The following SCN4A variants were observed in gnomAD, a reference collection of about 807,000 sequenced individuals.
SCN4A encodes the protein sodium voltage-gated channel alpha subunit 4.
In SCN4A, 83 loss-of-function variants were observed where a neutral mutation model predicts 162.0. The observed-to-expected ratio is 0.51, with a 90% CI of 0.43 to 0.61. The LOEUF (loss-of-function observed/expected upper bound fraction) is 0.61. Among genes scored for constraint, SCN4A ranks in the 20% least tolerant of loss-of-function variants. The pLI is 0.00. For missense variants in SCN4A, 2,196 were observed against 2,462.5 expected (o/e 0.89, Z 2.29); for synonymous variants, 944 against 985.1 (o/e 0.96, Z 0.78).
intron 8 of SCN4A, 37 bp downstream of exon 8, chr17:63,966,065 G>C: frequency 1.3e-5 from 19 of 1,503,836 alleles, no homozygotes; most frequent in Non-Finnish European, 1.7e-5. Flanking sequence ...AGGGGGAGTG[G>C]CTGTAGGGTT....
At position 63,972,891 on chromosome 17, in the gene SCN4A, G is replaced by T; in HGVS notation, c.-50C>A. The T allele has an allele frequency of 1.3e-6, 2 of 1,548,440 alleles. No homozygotes were observed. The highest frequency in any genetic ancestry group is 2.5e-5 in the South Asian group (2 of 81,544). Reference sequence around the variant, plus strand: ...AGAAGGGTGGTGGGTGGCCTGGGGAGCTGCAGTGCGCAGCCCCGGGGTGCT... The same window carrying T: ...AGAAGGGTGGTGGGTGGCCTGGGGATCTGCAGTGCGCAGCCCCGGGGTGCT... On this transcript the variant is annotated 5_prime_UTR_variant, in exon 1 of 24. Coordinates refer to ENST00000435607, the MANE Select transcript of SCN4A (RefSeq NM_000334.4). This position sits in a 1 kb window ranked among gnomAD's most constrained non-coding sequence, Gnocchi z 4.3.
At chr17:63,966,608 GCCCATTGCA>G in intron 6 of SCN4A, 64 bp from the exon 7 acceptor site, 1 of 1,251,182 alleles carries the variant, frequency 8.0e-7, no homozygotes, top group Non-Finnish European at 1.2e-6. Context: ...GAGCACCTGC[GCCCATTGCA>G]CACCTGTGGA....
At position 63,972,613 on chromosome 17, in the gene SCN4A, C is replaced by T. The variant is rs369547459; in HGVS notation, c.229G>A (p.Gly77Ser). The change falls in exon 1 of 24, where the codon GGC becomes AGC. Residue 77 changes from glycine (G) to serine (S), a missense_variant. Transcript: ENST00000435607. The surrounding 1 kb of genome is among the most constrained non-coding windows in gnomAD (Gnocchi z 4.3). ...IYGDPPPEVIGIPLEDLDPYY... is the reference protein window; with the variant it reads ...IYGDPPPEVISIPLEDLDPYY... The stretch of plus-strand genomic sequence containing the variant: ...GGATCCAGGTCCTCCAGGGGGATGC[C>T]GATGACCTCCGGCGGGGGGTCTCCG... The T allele has an allele frequency of 3.5e-5, 56 of 1,604,132 alleles. No individual in the cohort carries two copies. Among genetic ancestry groups the T allele is most frequent in the South Asian group, 3.3e-4 (30 of 89,670 alleles).
chr17:63,966,609 C>A, intron 6 of SCN4A, 65 bp from the exon 7 acceptor site: 1 of 1,213,986 alleles, frequency 8.2e-7, no homozygotes, highest in Non-Finnish European at 1.2e-6. Context: ...AGCACCTGCG[C>A]CCATTGCACA....
chr17:63,972,870 G>A lies in SCN4A; in HGVS notation c.-29C>T, dbSNP rs12950012. The A allele has an allele frequency of 3.7e-5, 59 of 1,578,882 alleles. No homozygotes were observed. Among genetic ancestry groups the A allele is most frequent in the Non-Finnish European group, 4.5e-5 (52 of 1,162,486 alleles). The stretch of plus-strand genomic sequence containing the variant: ...CGCATCCTGGGCTCAGAGACCAGAA[G>A]GGTGGTGGGTGGCCTGGGGAGCTGC... On this transcript the variant is annotated 5_prime_UTR_variant, in exon 1 of 24. Coordinates refer to ENST00000435607, the MANE Select transcript of SCN4A (RefSeq NM_000334.4). This position sits in a 1 kb window ranked among gnomAD's most constrained non-coding sequence, Gnocchi z 4.3.
At chr17:63,954,948 T>C (rs1355409204) in intron 13 of SCN4A, among the ~76,000 whole-genome samples, 1 of 152,164 alleles carries the variant, frequency 6.6e-6, no homozygotes, top group African/African-American at 2.4e-5. Context: ...CCTGAGCCCC[T>C]GTTTCCTCAT....
intron 22 of SCN4A, 47 bp downstream of exon 22, chr17:63,943,699 C>T (rs773691204): frequency 8.1e-7 from 1 of 1,236,556 alleles, no homozygotes; most frequent in East Asian, 2.3e-5. Flanking sequence ...GTCCCCTAGG[C>T]AGGAGCCTGG....
intron 10 of SCN4A, 134 bp from the exon 11 acceptor site, chr17:63,961,565 A>C: frequency 1.5e-6 from 1 of 653,252 alleles, no homozygotes; most frequent in Non-Finnish European, 2.7e-6. Flanking sequence ...AGCAAGGCCT[A>C]TTCCAAGTTC....
intron 13 of SCN4A, 99 bp downstream of exon 13, chr17:63,957,063 G>T: frequency 2.5e-6 from 2 of 808,626 alleles, no homozygotes; most frequent in Non-Finnish European, 2.0e-6. Flanking sequence ...TTGCCATTTT[G>T]GAGAGGATGT....
chr17:63,940,976 T>G lies in SCN4A; in HGVS notation c.5306A>C (p.Glu1769Ala), dbSNP rs768251194. 1.2e-6 allele frequency: 2 copies of G among 1,613,262 alleles called. No homozygotes were observed. Among genetic ancestry groups the G allele is most frequent in the Non-Finnish European group, 1.7e-6 (2 of 1,179,260 alleles). The change falls in exon 24 of 24, where the codon GAG becomes GCG. Residue 1769 changes from glutamate to alanine, a missense_variant. Glu to Ala is a moderately radical substitution (Grantham distance 107). Coordinates refer to ENST00000435607, the MANE Select transcript of SCN4A (RefSeq NM_000334.4). ...DGSGDDAPEKEGLLANTMSKM... is the reference protein window; with the variant it reads ...DGSGDDAPEKAGLLANTMSKM... The stretch of plus-strand genomic sequence containing the variant: ...GCTCATGGTGTTGGCAAGCAGCCCC[T>G]CCTTCTCAGGGGCGTCATCCCCGCT...
Position 63,947,917 on chromosome 17 carries a change from C to G in SCN4A, c.3291G>C (p.Trp1097Cys). The G allele has an allele frequency of 6.2e-7, 1 of 1,613,734 alleles. No homozygotes were observed. The highest frequency in any genetic ancestry group is 8.5e-7 in the Non-Finnish European group (1 of 1,179,760). ...CCACGATGAGGAAGTCGAGCCAGCA[C>G]CAGGCGTTGGTGAAGTACACCTTAA... ...YGFKVYFTNA[W>C]CWLDFLIVDV... The change falls in exon 17 of 24, where the codon TGG becomes TGC. Residue 1097 changes from tryptophan to cysteine, a missense_variant. Trp to Cys is a radical substitution (Grantham distance 215). Coordinates refer to ENST00000435607, the MANE Select transcript of SCN4A (RefSeq NM_000334.4).
chr17:63,962,791 TC>T, intron 10 of SCN4A, among the ~76,000 whole-genome samples: 1 of 152,056 alleles, frequency 6.6e-6, no homozygotes, highest in East Asian at 1.9e-4. Context: ...GCCCAAAACT[TC>T]TCACAGTGGT....
chr17:63,963,303 T>C (rs1597981595), intron 10 of SCN4A, among the ~76,000 whole-genome samples: 1 of 152,174 alleles, frequency 6.6e-6, no homozygotes, highest in East Asian at 1.9e-4. Flanking sequence ...TTCCGGAACA[T>C]TGGGCCTTCT....
chr17:63,972,550 A>C lies in SCN4A; in HGVS notation c.273+19T>G, dbSNP rs756421900. 1.8e-5 allele frequency: 28 copies of C among 1,594,142 alleles called. No homozygotes were observed. The highest frequency in any genetic ancestry group is 3.3e-4 in the Middle Eastern group (2 of 6,056). On this transcript the variant is annotated intron_variant, in intron 1 of 23. Transcript: ENST00000435607. The surrounding 1 kb of genome is among the most constrained non-coding windows in gnomAD (Gnocchi z 4.3). ...GGATGGATGGCAGACAGACAGAGGAAGCCTTCCCAGGCCCAGACCTTCTTA... is the reference window on the plus strand; with the variant it reads ...GGATGGATGGCAGACAGACAGAGGACGCCTTCCCAGGCCCAGACCTTCTTA...
chr17:63,964,757 T>TGCGGGCAATGGA, intron 8 of SCN4A, 80 bp from the exon 9 acceptor site: 1 of 1,123,608 alleles, frequency 8.9e-7, no homozygotes, highest in Non-Finnish European at 1.3e-6. Context: ...CATACATCCA[T>TGCGGGCAATGGA]TGCCCGCATG....
intron 5 of SCN4A, among the ~76,000 whole-genome samples, chr17:63,968,751 G>A (rs532104216): frequency 3.9e-5 from 6 of 152,324 alleles, no homozygotes; most frequent in African/African-American, 1.2e-4. Flanking sequence ...GAAAAGCTGC[G>A]TTCTAGATTC....
At chr17:63,960,954 C>A (rs1017088459) in intron 11 of SCN4A, among the ~76,000 whole-genome samples, 1 of 151,476 alleles carries the variant, frequency 6.6e-6, no homozygotes, top group African/African-American at 2.4e-5. Context: ...GGAAGCCCAG[C>A]GCCTCAACCC....
At chr17:63,952,282 G>A (rs1208174159) in intron 13 of SCN4A, among the ~76,000 whole-genome samples, 1 of 151,096 alleles carries the variant, frequency 6.6e-6, no homozygotes, top group East Asian at 1.9e-4. Flanking sequence ...TTCGGCTCAC[G>A]GCAACCTCCA....
rs766227475 is a variant in SCN4A, at chr17:63,957,483, C to T, written c.2055G>A (p.Thr685=). The T allele has an allele frequency of 9.9e-6, 16 of 1,613,026 alleles. No individual in the cohort carries two copies. Among genetic ancestry groups the T allele is most frequent in the Admixed American group, 1.7e-5 (1 of 59,976 alleles). The change falls in exon 13 of 24, where the codon ACG becomes ACA. Residue 685 remains threonine, a synonymous_variant. Coordinates refer to ENST00000435607, the MANE Select transcript of SCN4A (RefSeq NM_000334.4). ...CAATGATCTTGATGAGCATGTTCAGCGTTGGCCACGACTTGGCCAGCTTGA... is the reference window on the plus strand; with the variant it reads ...CAATGATCTTGATGAGCATGTTCAGTGTTGGCCACGACTTGGCCAGCTTGA... The part of the protein sequence containing the change: ...RVFKLAKSWP[T]LNMLIKIIGN...
Sources: allele counts gnomAD v4.1 joint callset (sites outside exome capture counted in the v4.1 genomes callset), GRCh38; gene constraint gnomAD v4.1.1; non-coding constraint Gnocchi (gnomAD v3.1); transcripts MANE v1.5; gene names NCBI Gene and HGNC (gene_info 2026-07-23, HGNC 2026-07-21).